The following THSD4 variants were observed in gnomAD, a reference collection of about 807,000 sequenced individuals.
The protein encoded by THSD4 is thrombospondin type 1 domain containing 4, also known as thrombospondin type-1 domain-containing protein 4.
THSD4 carries 69 observed loss-of-function variants against 119.0 expected under a neutral mutation model. The ratio of observed to expected loss-of-function variants is 0.58; its 90% confidence interval spans 0.48 to 0.71. THSD4 has a LOEUF of 0.71. THSD4 is among the 30% of genes least tolerant of loss of function. The pLI is 0.00. For synonymous variants in THSD4, 524 were observed against 540.4 expected, an observed-to-expected ratio of 0.97 and a Z score of 0.42; for missense variants, 1,393 against 1,391.1, an observed-to-expected ratio of 1.00 and a Z score of -0.02.
rs145723135 is a variant in THSD4, at chr15:71,564,924, A to G, written c.1153-95606A>G. ...AATACATGAATATATCCAGGACAAA[A>G]AGGTTAAATAGTCATACTAAATGGG... On this transcript the variant is annotated intron_variant, in intron 7 of 17. Transcript: ENST00000261862. 1.4e-3 allele frequency among the ~76,000 whole-genome samples: 209 copies of G among 151,846 alleles called. 1 individual carries two copies. Among genetic ancestry groups the G allele is most frequent in the Non-Finnish European group, 8.8e-5 (6 of 67,952 alleles).
intron 3 of THSD4, among the ~76,000 whole-genome samples, chr15:71,172,654 C>A (rs1362078871): frequency 2.9e-5 from 1 of 34,220 alleles, no homozygotes; most frequent in African/African-American, 5.7e-5. Context: ...GATAATGGAA[C>A]AGAATACAGC....
intron 8 of THSD4, among the ~76,000 whole-genome samples, chr15:71,673,412 A>C (rs778633396): frequency 6.6e-6 from 1 of 152,058 alleles, no homozygotes; most frequent in Non-Finnish European, 1.5e-5. Flanking sequence ...ACGATCTAAC[A>C]ATTTTATCAG....
chr15:71,585,166 C>A (rs779726107), intron 7 of THSD4, among the ~76,000 whole-genome samples: 35 of 152,154 alleles, frequency 2.3e-4, no homozygotes, highest in Non-Finnish European at 4.6e-4. Flanking sequence ...TATATTCTTA[C>A]CATTGTTAGT....
chr15:71,106,770 C>G (rs115997417), intron 1 of THSD4, among the ~76,000 whole-genome samples: 1 of 151,918 alleles, frequency 6.6e-6, no homozygotes, highest in East Asian at 1.9e-4. Flanking sequence ...GATCACAGTC[C>G]TCTGAGACCC....
At chr15:71,214,501 G>A (rs1389523958) in intron 3 of THSD4, among the ~76,000 whole-genome samples, 4 of 152,192 alleles carry the variant, frequency 2.6e-5, no homozygotes, top group Non-Finnish European at 4.4e-5. Flanking sequence ...GAGCTATAAC[G>A]CTCACTGTGA....
At chr15:71,140,430 C>T (rs2040591490) in intron 1 of THSD4, among the ~76,000 whole-genome samples, 1 of 152,126 alleles carries the variant, frequency 6.6e-6, no homozygotes, top group Non-Finnish European at 1.5e-5. Flanking sequence ...TGAGAACTCA[C>T]TCATTACCAC....
chr15:71,749,745 G>C (rs2053413185), intron 14 of THSD4, among the ~76,000 whole-genome samples: 1 of 39,376 alleles, frequency 2.5e-5, no homozygotes, highest in Admixed American at 3.1e-4. Context: ...TTTGAGACCG[G>C]GTCTCATTCT....
chr15:71,428,165 C>G (rs2046899173), intron 7 of THSD4, among the ~76,000 whole-genome samples: 2 of 152,176 alleles, frequency 1.3e-5, no homozygotes, highest in South Asian at 2.1e-4. Flanking sequence ...TAAGCACAGT[C>G]TAGAAGCACT....
intron 14 of THSD4, among the ~76,000 whole-genome samples, chr15:71,755,209 G>A (rs147771779): frequency 1.2e-4 from 18 of 152,282 alleles, no homozygotes; most frequent in African/African-American, 4.1e-4. Context: ...TTTTGGGGTG[G>A]CATGTTCTGA....
At chr15:71,146,443 G>GTTTTTTTTTTTTTTTTTTTTTTTT (rs569407021) in intron 2 of THSD4, among the ~76,000 whole-genome samples, 1 of 134,560 alleles carries the variant, frequency 7.4e-6, no homozygotes. Context: ...TTTGCCAGTA[G>GTTTTTTTTTTTTTTTTTTTTTTTT]TTTTTTTTTT....
intron 6 of THSD4, among the ~76,000 whole-genome samples, chr15:71,336,053 G>C (rs1293672955): frequency 6.6e-6 from 1 of 152,098 alleles, no homozygotes; most frequent in Non-Finnish European, 1.5e-5. Context: ...ATGGCCTTTC[G>C]CATTGCAATC....
chr15:71,400,656 CTTATT>C (rs1420669856), intron 6 of THSD4, among the ~76,000 whole-genome samples: 1 of 152,254 alleles, frequency 6.6e-6, no homozygotes, highest in East Asian at 1.9e-4. Flanking sequence ...GAGCAAGCAC[CTTATT>C]TTATTTAACC....
intron 6 of THSD4, among the ~76,000 whole-genome samples, chr15:71,270,943 G>A (rs2044521740): frequency 6.6e-6 from 1 of 152,020 alleles, no homozygotes; most frequent in South Asian, 2.1e-4. Flanking sequence ...TTCTGTAGAT[G>A]TGAGGATGTA....
chr15:71,688,880 G>T (rs1457643683), intron 8 of THSD4, among the ~76,000 whole-genome samples: 2 of 151,884 alleles, frequency 1.3e-5, no homozygotes, highest in Non-Finnish European at 2.9e-5. Flanking sequence ...TGCTTACTTT[G>T]ACATTTTCAT....
intron 2 of THSD4, among the ~76,000 whole-genome samples, chr15:71,148,913 G>C (rs1028641199): frequency 6.6e-6 from 1 of 152,148 alleles, no homozygotes; most frequent in African/African-American, 2.4e-5. Flanking sequence ...TGCAAAATGG[G>C]TATAATAAAA....
intron 6 of THSD4, among the ~76,000 whole-genome samples, chr15:71,274,038 G>C (rs1483304424): frequency 6.6e-6 from 1 of 152,190 alleles, no homozygotes; most frequent in Non-Finnish European, 1.5e-5. Flanking sequence ...GGTAACAAGG[G>C]TTGGATTGGC....
chr15:71,726,406 T>C (rs997609162), intron 8 of THSD4, among the ~76,000 whole-genome samples: 2 of 152,166 alleles, frequency 1.3e-5, no homozygotes, highest in Admixed American at 1.3e-4. Flanking sequence ...ATTTTAGTGG[T>C]ACCTACTGAA....
chr15:71,656,289 A>G lies in THSD4; in HGVS notation c.1153-4241A>G, dbSNP rs113383613. The stretch of plus-strand genomic sequence containing the variant: ...ACAAAGTGCTTTGGTTATGTAAGAT[A>G]TTATCGTTAGGGAAAGCTGGGTGAA... On this transcript the variant is annotated intron_variant, in intron 7 of 17. Transcript: ENST00000261862. Among the ~76,000 whole-genome samples, 9 of 152,322 alleles carry G rather than the reference A, an allele frequency of 5.9e-5. 1 individual carries two copies. The highest frequency in any genetic ancestry group is 2.2e-4 in the African/African-American group (9 of 41,582).
intron 7 of THSD4, among the ~76,000 whole-genome samples, chr15:71,484,675 G>T (rs1053070144): frequency 6.6e-6 from 1 of 152,172 alleles, no homozygotes; most frequent in Admixed American, 6.5e-5. Context: ...CTTTGAGGTT[G>T]TTAGAACTGT....
Sources: allele counts gnomAD v4.1 joint callset (sites outside exome capture counted in the v4.1 genomes callset), GRCh38; gene constraint gnomAD v4.1.1; transcripts MANE v1.5; gene names NCBI Gene and HGNC (gene_info 2026-07-23, HGNC 2026-07-21).